Variants in ARHGDIB observed in about 807,000 individuals in gnomAD.
The protein encoded by ARHGDIB is Rho GDP dissociation inhibitor beta.
A neutral mutation model predicts 22.6 loss-of-function variants in ARHGDIB; 20 were observed. The ratio of observed to expected loss-of-function variants is 0.88; its 90% CI spans 0.62 to 1.28. The LOEUF is 1.28. ARHGDIB is among the 50% of genes most tolerant of loss of function. ARHGDIB has a pLI of 0.00. For synonymous variants in ARHGDIB, 114 were observed against 96.1 expected (o/e 1.19, Z -1.09); for missense variants, 254 against 245.4 (o/e 1.04, Z -0.23).
chr12:14,947,027 A>C (rs1033677059), intron 4 of ARHGDIB, among the ~76,000 whole-genome samples: 3 of 151,488 alleles, frequency 2.0e-5, no homozygotes, highest in African/African-American at 7.4e-5. Context: ...ATAAACCCTG[A>C]ATCATATCCT....
At chr12:14,946,687 A>G (rs1275537653) in intron 4 of ARHGDIB, among the ~76,000 whole-genome samples, 2 of 152,196 alleles carry the variant, frequency 1.3e-5, no homozygotes, top group African/African-American at 2.4e-5. Context: ...CTCCCCATCC[A>G]GAGGAGAAGC....
intron 1 of ARHGDIB, among the ~76,000 whole-genome samples, chr12:14,953,312 A>T (rs575836215): frequency 6.6e-6 from 1 of 152,206 alleles, no homozygotes. Flanking sequence ...AGACCAGGTG[A>T]TCCCAAACTA....
intron 5 of ARHGDIB, 116 bp from the exon 6 acceptor site, chr12:14,942,837 C>A: frequency 1.1e-6 from 1 of 886,396 alleles, no homozygotes; most frequent in Non-Finnish European, 1.7e-6. Flanking sequence ...CAATGGTTTC[C>A]AAGCCTAAAT....
chr12:14,947,347 T>C (rs2120696602), intron 4 of ARHGDIB, among the ~76,000 whole-genome samples: 1 of 152,348 alleles, frequency 6.6e-6, no homozygotes, highest in South Asian at 2.1e-4. Context: ...TTTCCAGTTC[T>C]TTAGCAAAGA....
At chr12:14,945,267 C>G (rs752204094) in intron 4 of ARHGDIB, among the ~76,000 whole-genome samples, 48 of 152,168 alleles carry the variant, frequency 3.2e-4, no homozygotes, top group Non-Finnish European at 6.6e-4. Context: ...CTAAAAACCA[C>G]AACCTCAGAG....
chr12:14,950,861 A>G (rs372493114), intron 1 of ARHGDIB, 137 bp from the exon 2 acceptor site: 39 of 635,822 alleles, frequency 6.1e-5, no homozygotes, highest in African/African-American at 5.2e-4. Context: ...TTCCTAATTC[A>G]ATCTCATTAA....
At chr12:14,950,406 T>A in intron 2 of ARHGDIB, 126 bp downstream of exon 2, 1 of 775,132 alleles carries the variant, frequency 1.3e-6, no homozygotes, top group Non-Finnish European at 2.1e-6. Flanking sequence ...ATATATAAAT[T>A]GTGCCTCGCT....
chr12:14,958,769 A>C (rs1160937308), intron 1 of ARHGDIB, among the ~76,000 whole-genome samples: 1 of 152,206 alleles, frequency 6.6e-6, no homozygotes, highest in Non-Finnish European at 1.5e-5. Flanking sequence ...AGAAAGCCCA[A>C]GTGAATTTTT....
In ARHGDIB at chr12:14,950,666, T is replaced by C. The variant is rs1190545503; in HGVS notation, c.47A>G (p.Asp16Gly). 3.7e-6 allele frequency: 6 copies of C among 1,613,860 alleles called. No homozygotes were observed. The highest frequency in any genetic ancestry group is 5.1e-6 in the Non-Finnish European group (6 of 1,179,870). The change falls in exon 2 of 6, where the codon GAT becomes GGT. Residue 16 changes from aspartate (D) to glycine (G), a missense_variant. Coordinates refer to ENST00000228945, the MANE Select transcript of ARHGDIB (RefSeq NM_001175.7). The part of the protein sequence containing the change: ...PEPHVEEDDD[D>G]ELDSKLNYKP... ...ATAATTGAGCTTGCTGTCCAGCTCA[T>C]CATCGTCATCCTCCTCCACATGTGG... is the stretch of plus-strand genomic sequence containing the variant.
chr12:14,954,158 T>C (rs1302575015), intron 1 of ARHGDIB, among the ~76,000 whole-genome samples: 2 of 152,098 alleles, frequency 1.3e-5, no homozygotes, highest in East Asian at 1.9e-4. Context: ...TTTGTAGTTA[T>C]GGTTGAGATA....
At chr12:14,942,840 G>T in intron 5 of ARHGDIB, 119 bp from the exon 6 acceptor site, 1 of 861,558 alleles carries the variant, frequency 1.2e-6, no homozygotes, top group Non-Finnish European at 1.8e-6. Context: ...TGGTTTCCAA[G>T]CCTAAATAAA....
intron 4 of ARHGDIB, among the ~76,000 whole-genome samples, chr12:14,947,413 A>G (rs1050444777): frequency 1.3e-5 from 2 of 152,094 alleles, no homozygotes; most frequent in Non-Finnish European, 2.9e-5. Context: ...GCCCTGTCCC[A>G]TTTTCTTTTC....
chr12:14,942,366 C>T lies in ARHGDIB; in HGVS notation c.*156G>A. 1.2e-6 allele frequency: 1 copy of T among 811,034 alleles called. No homozygotes were observed. Among genetic ancestry groups the T allele is most frequent in the Non-Finnish European group, 2.0e-6 (1 of 508,414 alleles). 50.2% of individuals were successfully genotyped at this position (811,034 alleles called of 1,614,324 possible). On this transcript the variant is annotated 3_prime_UTR_variant, in exon 6 of 6. Coordinates refer to ENST00000228945, the MANE Select transcript of ARHGDIB (RefSeq NM_001175.7). ...GGTTTTAAGCCTCTTGTTCTAGGGA[C>T]CACGTTGAGTGACAGGGTGGGAAAA...
chr12:14,956,680 C>G (rs1245243063), intron 1 of ARHGDIB, among the ~76,000 whole-genome samples: 1 of 152,176 alleles, frequency 6.6e-6, no homozygotes, highest in African/African-American at 2.4e-5. Context: ...CATTTTTTCA[C>G]ACAGGCTTGC....
Position 14,958,231 on chromosome 12 carries a change from C to T in ARHGDIB, c.-13+3306G>A, listed in dbSNP as rs1471488045. 4.6e-5 allele frequency among the ~76,000 whole-genome samples: 7 copies of T among 152,178 alleles called. 1 individual carries two copies. The highest frequency in any genetic ancestry group is 4.1e-4 in the South Asian group (2 of 4,834). ...GTTCGGGATTCCACCCTCTCCCCAC[C>T]GCCCCTGTCCCTGGTGACATGGAGG... is the stretch of plus-strand genomic sequence containing the variant. On this transcript the variant is annotated intron_variant, in intron 1 of 5. Transcript: ENST00000228945.
intron 1 of ARHGDIB, among the ~76,000 whole-genome samples, chr12:14,954,267 A>C (rs1372444011): frequency 6.6e-6 from 1 of 152,170 alleles, no homozygotes; most frequent in Admixed American, 6.6e-5. Context: ...GTGCCTGGGC[A>C]GAAGCTTGCT....
At chr12:14,943,257 A>G (rs751585175) in intron 5 of ARHGDIB, among the ~76,000 whole-genome samples, 10 of 152,166 alleles carry the variant, frequency 6.6e-5, no homozygotes, top group Non-Finnish European at 1.0e-4. Flanking sequence ...TCCTACTTCC[A>G]AAGGCTATGG....
intron 3 of ARHGDIB, 138 bp downstream of exon 3, chr12:14,949,664 G>T: frequency 1.3e-6 from 1 of 741,910 alleles, no homozygotes; most frequent in Admixed American, 2.1e-5. Flanking sequence ...CACTCTAAGA[G>T]CAATGATTTG....
intron 5 of ARHGDIB, among the ~76,000 whole-genome samples, chr12:14,943,236 A>G (rs1863917507): frequency 6.6e-6 from 1 of 152,158 alleles, no homozygotes; most frequent in Non-Finnish European, 1.5e-5. Context: ...TTAATAATAT[A>G]GTTTCCTTTG....
Sources: allele counts gnomAD v4.1 joint callset (sites outside exome capture counted in the v4.1 genomes callset), GRCh38; gene constraint gnomAD v4.1.1; transcripts MANE v1.5; gene names NCBI Gene and HGNC (gene_info 2026-07-23, HGNC 2026-07-21).